The following DMD variants were observed in gnomAD, a reference collection of about 807,000 sequenced individuals.
DMD encodes mutant dystrophin.
Under a neutral mutation model 330.1 loss-of-function variants are expected in DMD, and 63 were observed. The ratio of observed to expected loss-of-function variants is 0.19; its 90% CI spans 0.16 to 0.24. The LOEUF (loss-of-function observed/expected upper bound fraction) is 0.24, where lower values mean the gene tolerates loss of function less well. DMD is among the 10% of genes least tolerant of loss of function. The pLI, the probability that DMD is intolerant of heterozygous loss-of-function variation, is 1.00. For synonymous variants in DMD, 1,223 were observed against 959.8 expected (o/e 1.27, Z -5.07); for missense variants, 3,344 against 2,684.1 (o/e 1.25, Z -5.43).
chrX:32,270,962 C>T (rs2097363122), intron 43 of DMD, among the ~76,000 whole-genome samples: 1 of 111,034 alleles, frequency 9.0e-6, no homozygotes, highest in African/African-American at 3.3e-5. Flanking sequence ...TGGGTCACTC[C>T]TACATTACTG....
intron 2 of DMD, among the ~76,000 whole-genome samples, chrX:32,885,831 A>G (rs1210012748): frequency 9.5e-6 from 1 of 105,142 alleles, no homozygotes; most frequent in Admixed American, 1.0e-4. Context: ...GAGGGGGAAA[A>G]AAAAAAAAAA....
At chrX:31,617,309 C>T (rs1180040686) in intron 55 of DMD, among the ~76,000 whole-genome samples, 3 of 110,761 alleles carry the variant, frequency 2.7e-5, no homozygotes, top group Non-Finnish European at 3.8e-5. Context: ...CCGGGGCGGG[C>T]GCATCACCTG....
intron 2 of DMD, among the ~76,000 whole-genome samples, chrX:32,899,964 G>C (rs995352335): frequency 9.0e-6 from 1 of 110,818 alleles, no homozygotes; most frequent in Admixed American, 9.6e-5. Flanking sequence ...TTTTAAAAGA[G>C]GTTTTGTTGA....
At chrX:32,576,048 T>C (rs761912226) in intron 13 of DMD, among the ~76,000 whole-genome samples, 3 of 111,524 alleles carry the variant, frequency 2.7e-5, no homozygotes, top group Non-Finnish European at 3.8e-5. Context: ...TTGTATAACA[T>C]TTTCAAATTT....
intron 44 of DMD, among the ~76,000 whole-genome samples, chrX:32,021,349 A>G (rs1232913879): frequency 8.9e-6 from 1 of 112,212 alleles, no homozygotes; most frequent in Non-Finnish European, 1.9e-5. Context: ...CTTTAAAGAT[A>G]CAAATACAGG....
chrX:31,211,120 C>T (rs2044625864), intron 64 of DMD, among the ~76,000 whole-genome samples: 1 of 111,775 alleles, frequency 8.9e-6, no homozygotes, highest in Admixed American at 9.5e-5. Flanking sequence ...ACTTGGGAGA[C>T]TTATCTGAAG....
At chrX:31,937,408 C>T (rs753411007) in intron 45 of DMD, among the ~76,000 whole-genome samples, 87 of 111,128 alleles carry the variant, frequency 7.8e-4, no homozygotes, top group African/African-American at 2.5e-3. Flanking sequence ...TCTTTTTACA[C>T]GATATTTGTG....
At chrX:32,588,940 T>C (rs1442054141) in intron 13 of DMD, among the ~76,000 whole-genome samples, 1 of 111,238 alleles carries the variant, frequency 9.0e-6, no homozygotes, top group Non-Finnish European at 1.9e-5. Flanking sequence ...CAATGTACAG[T>C]GAGGTAAGTT....
intron 44 of DMD, among the ~76,000 whole-genome samples, chrX:31,997,126 G>T (rs2095592782): frequency 9.0e-6 from 1 of 111,542 alleles, no homozygotes; most frequent in African/African-American, 3.3e-5. Context: ...AAATTCTGCT[G>T]CCTGCATTGG....
intron 54 of DMD, among the ~76,000 whole-genome samples, chrX:31,645,287 G>T (rs2080018674): frequency 9.1e-6 from 1 of 109,818 alleles, no homozygotes; most frequent in African/African-American, 3.4e-5. Context: ...CCTCCTTGTG[G>T]GAAGTCTCAG....
At chrX:32,631,701 C>T (rs2058741496) in intron 11 of DMD, among the ~76,000 whole-genome samples, 1 of 110,645 alleles carries the variant, frequency 9.0e-6, no homozygotes. Flanking sequence ...GGGAGGGTAC[C>T]ACACACTTTT....
chrX:32,919,465 C>T (rs2088175694), intron 2 of DMD, among the ~76,000 whole-genome samples: 1 of 111,920 alleles, frequency 8.9e-6, no homozygotes, highest in Admixed American at 9.5e-5. Context: ...TGCACTCATG[C>T]CATAAATGTA....
chrX:32,159,290 A>G (rs911784045), intron 44 of DMD, among the ~76,000 whole-genome samples: 1 of 112,331 alleles, frequency 8.9e-6, no homozygotes, highest in Non-Finnish European at 1.9e-5. Flanking sequence ...ATATGGAAGA[A>G]ATAGACATGG....
chrX:32,056,130 CTA>C (rs2096170753), intron 44 of DMD, among the ~76,000 whole-genome samples: 2 of 110,193 alleles, frequency 1.8e-5, no homozygotes, highest in Admixed American at 1.9e-4. Flanking sequence ...GTTTTTGTCA[CTA>C]TAAAAATAAT....
chrX:31,761,730 A>T (rs1301386006), intron 51 of DMD, among the ~76,000 whole-genome samples: 1 of 112,501 alleles, frequency 8.9e-6, no homozygotes, highest in Non-Finnish European at 1.9e-5. Flanking sequence ...AGGCAGAAAG[A>T]TAGACATGAA....
chrX:32,986,380 AC>A (rs2092844303), intron 2 of DMD, among the ~76,000 whole-genome samples: 1 of 112,156 alleles, frequency 8.9e-6, no homozygotes, highest in Admixed American at 9.5e-5. Flanking sequence ...ATAGAAAATT[AC>A]CTTTTTTTGG....
chrX:31,616,217 T>C (rs1319495387), intron 55 of DMD, among the ~76,000 whole-genome samples: 5 of 111,490 alleles, frequency 4.5e-5, no homozygotes, highest in Admixed American at 9.6e-5. Context: ...GAAATGCCTA[T>C]AGGAATTGAG....
intron 11 of DMD, 75 bp from the exon 12 acceptor site, chrX:32,614,528 A>G: frequency 1.1e-6 from 1 of 893,410 alleles, no homozygotes; most frequent in South Asian, 2.2e-5. Context: ...GTAAAACAAT[A>G]GAATTTATAA....
intron 55 of DMD, among the ~76,000 whole-genome samples, chrX:31,544,068 G>C (rs967098681): frequency 9.0e-6 from 1 of 111,268 alleles, no homozygotes; most frequent in African/African-American, 3.3e-5. Flanking sequence ...GCTGGGTGCG[G>C]TGGCTCAGCA....
Sources: gnomAD v4.1 joint callset for allele counts (sites outside exome capture counted in the v4.1 genomes callset) on GRCh38, gnomAD v4.1.1 for gene constraint, MANE v1.5 for transcripts, NCBI Gene and HGNC (gene_info 2026-07-23, HGNC 2026-07-21) for gene names.